Variants in LHFPL3 observed in about 807,000 individuals in gnomAD.
LHFPL3 encodes the protein LHFPL tetraspan subfamily member 3 protein.
A neutral mutation model predicts 19.3 loss-of-function variants in LHFPL3; 5 were observed. The ratio of observed to expected loss-of-function variants is 0.26; its 90% CI spans 0.14 to 0.54. The LOEUF (loss-of-function observed/expected upper bound fraction) is 0.54, where lower values mean the gene tolerates loss of function less well. LHFPL3 is among the 20% of genes least tolerant of loss of function. LHFPL3 has a pLI of 0.94. For synonymous variants in LHFPL3, 133 were observed against 126.2 expected, an observed-to-expected ratio of 1.05 and a Z score of -0.36; for missense variants, 249 against 307.4, an observed-to-expected ratio of 0.81 and a Z score of 1.42.
At chr7:104,376,434 A>G (rs1473244602) in intron 1 of LHFPL3, among the ~76,000 whole-genome samples, 1 of 152,248 alleles carries the variant, frequency 6.6e-6, no homozygotes, top group Non-Finnish European at 1.5e-5. Context: ...GACCACAAGA[A>G]AGGAGATGCT....
chr7:104,668,255 C>T (rs530375179), intron 1 of LHFPL3: 5 of 1,611,610 alleles, frequency 3.1e-6, no homozygotes, highest in African/African-American at 1.3e-5. Context: ...TTCGAGTGGA[C>T]GTTGCTGATC....
At chr7:104,461,281 T>G (rs1384311946) in intron 1 of LHFPL3, among the ~76,000 whole-genome samples, 1 of 152,188 alleles carries the variant, frequency 6.6e-6, no homozygotes, top group African/African-American at 2.4e-5. Flanking sequence ...TATCTCTACC[T>G]GGTCCCACCC....
chr7:104,798,967 T>C (rs1790188906), intron 2 of LHFPL3, among the ~76,000 whole-genome samples: 1 of 152,194 alleles, frequency 6.6e-6, no homozygotes, highest in Non-Finnish European at 1.5e-5. Context: ...GAGTGTTCCT[T>C]CTCTGGCGGG....
intron 1 of LHFPL3, among the ~76,000 whole-genome samples, chr7:104,710,373 T>C (rs1375844026): frequency 6.6e-6 from 1 of 152,210 alleles, no homozygotes; most frequent in Non-Finnish European, 1.5e-5. Flanking sequence ...TTATTGACTT[T>C]CATTAGTTAG....
At chr7:104,776,691 A>G (rs955188648) in intron 2 of LHFPL3, among the ~76,000 whole-genome samples, 13 of 152,180 alleles carry the variant, frequency 8.5e-5, no homozygotes, top group Non-Finnish European at 1.5e-4. Context: ...CTAATGCCCA[A>G]AGTATTCATA....
intron 1 of LHFPL3, among the ~76,000 whole-genome samples, chr7:104,613,112 A>G (rs1395701158): frequency 2.6e-5 from 4 of 152,220 alleles, no homozygotes; most frequent in East Asian, 1.9e-4. Context: ...AAATATTTTC[A>G]AAAGGATGTT....
intron 1 of LHFPL3, among the ~76,000 whole-genome samples, chr7:104,478,772 C>T (rs941290755): frequency 3.9e-5 from 6 of 152,160 alleles, no homozygotes; most frequent in Non-Finnish European, 7.3e-5. Context: ...TTGCTGCAGA[C>T]GTAGCTCTCA....
At chr7:104,691,353 T>C (rs1792902614) in intron 1 of LHFPL3, among the ~76,000 whole-genome samples, 1 of 152,228 alleles carries the variant, frequency 6.6e-6, no homozygotes, top group South Asian at 2.1e-4. Flanking sequence ...AATGGCCTCA[T>C]AGGGAGTTCC....
At chr7:104,464,560 G>T (rs1222479475) in intron 1 of LHFPL3, among the ~76,000 whole-genome samples, 1 of 152,224 alleles carries the variant, frequency 6.6e-6, no homozygotes, top group African/African-American at 2.4e-5. Flanking sequence ...TGAAATCTAG[G>T]CAGAGATTCC....
intron 2 of LHFPL3, among the ~76,000 whole-genome samples, chr7:104,739,435 G>GCT (rs1451731251): frequency 2.6e-5 from 4 of 152,184 alleles, no homozygotes; most frequent in African/African-American, 9.7e-5. Flanking sequence ...TGTCATCAAT[G>GCT]CTATCTTCTA....
intron 2 of LHFPL3, among the ~76,000 whole-genome samples, chr7:104,769,581 T>A (rs867224285): frequency 6.6e-6 from 1 of 151,572 alleles, no homozygotes; most frequent in South Asian, 2.1e-4. Context: ...CTACATTAGG[T>A]ATTTCTGCTA....
chr7:104,751,448 A>G (rs2116345487), intron 2 of LHFPL3, among the ~76,000 whole-genome samples: 2 of 149,064 alleles, frequency 1.3e-5, no homozygotes, highest in East Asian at 4.1e-4. Flanking sequence ...CTCATTTTGC[A>G]TTAATGCTTG....
intron 1 of LHFPL3, among the ~76,000 whole-genome samples, chr7:104,400,562 C>T (rs986313831): frequency 2.0e-5 from 3 of 151,924 alleles, no homozygotes; most frequent in Non-Finnish European, 4.4e-5. Flanking sequence ...TAATTCATGC[C>T]CAATATTTCC....
chr7:104,509,746 C>CAAAAT (rs141331654), intron 1 of LHFPL3, among the ~76,000 whole-genome samples: 34 of 151,604 alleles, frequency 2.2e-4, no homozygotes, highest in South Asian at 4.2e-4. Flanking sequence ...TACAATAAGG[C>CAAAAT]AAAATAAAAT....
chr7:104,377,884 T>C (rs1790747422), intron 1 of LHFPL3, among the ~76,000 whole-genome samples: 1 of 152,254 alleles, frequency 6.6e-6, no homozygotes. Context: ...ATCTAGAGTT[T>C]GCTTGCCTGT....
At chr7:104,722,855 A>G (rs1793513951) in intron 1 of LHFPL3, among the ~76,000 whole-genome samples, 1 of 152,070 alleles carries the variant, frequency 6.6e-6, no homozygotes, top group African/African-American at 2.4e-5. Flanking sequence ...AACATGAGGC[A>G]ATTTATCAGT....
chr7:104,377,976 A>G (rs1790748878), intron 1 of LHFPL3, among the ~76,000 whole-genome samples: 1 of 152,224 alleles, frequency 6.6e-6, no homozygotes, highest in African/African-American at 2.4e-5. Flanking sequence ...AACTCTTCCA[A>G]ATGAAACTTT....
intron 1 of LHFPL3, among the ~76,000 whole-genome samples, chr7:104,638,970 G>T (rs895193599): frequency 1.3e-5 from 2 of 150,600 alleles, no homozygotes; most frequent in Non-Finnish European, 3.0e-5. Context: ...TCATTATGTT[G>T]CCCAGGGTGG....
intron 2 of LHFPL3, among the ~76,000 whole-genome samples, chr7:104,857,038 G>T (rs974732212): frequency 1.3e-5 from 2 of 152,180 alleles, no homozygotes; most frequent in African/African-American, 4.8e-5. Context: ...GTATGCCAGG[G>T]TCTTTGCCTA....
Sources: gnomAD v4.1 joint callset for allele counts (sites outside exome capture counted in the v4.1 genomes callset) on GRCh38, gnomAD v4.1.1 for gene constraint, MANE v1.5 for transcripts, NCBI Gene and HGNC (gene_info 2026-07-23, HGNC 2026-07-21) for gene names.